Variants in CDK6 observed in about 807,000 individuals in gnomAD.
The protein encoded by CDK6 is cyclin dependent kinase 6, also known as cyclin-dependent kinase 6.
A neutral mutation model predicts 37.1 loss-of-function variants in CDK6; 6 were observed. The ratio of observed to expected loss-of-function variants is 0.16; its 90% CI spans 0.09 to 0.32. The LOEUF (loss-of-function observed/expected upper bound fraction) is 0.32, where lower values mean the gene tolerates loss of function less well. Ranked by LOEUF, CDK6 falls within the 10% of genes least tolerant of loss-of-function variation. The probability of loss-of-function intolerance (pLI) is 1.00; values close to 1 mark genes in which losing one functional copy is unlikely to be tolerated. For missense variants in CDK6, 224 were observed against 418.9 expected, an observed-to-expected ratio of 0.53 and a Z score of 4.06; for synonymous variants, 160 against 161.3, an observed-to-expected ratio of 0.99 and a Z score of 0.06.
chr7:92,668,576 C>G (rs573877781), intron 5 of CDK6, among the ~76,000 whole-genome samples: 2 of 152,284 alleles, frequency 1.3e-5, no homozygotes, highest in African/African-American at 4.8e-5. Flanking sequence ...CAGGGCAGCA[C>G]AGTGAGACCC....
At chr7:92,809,374 A>T (rs1328855606) in intron 2 of CDK6, among the ~76,000 whole-genome samples, 1 of 152,230 alleles carries the variant, frequency 6.6e-6, no homozygotes, top group Non-Finnish European at 1.5e-5. Context: ...TGACAACGAC[A>T]ATCTGGTTTC....
At chr7:92,802,598 C>A (rs1800609588) in intron 2 of CDK6, among the ~76,000 whole-genome samples, 1 of 152,214 alleles carries the variant, frequency 6.6e-6, no homozygotes, top group South Asian at 2.1e-4. Context: ...GTCTTTTAAA[C>A]TATCCGACTG....
At chr7:92,830,204 G>A (rs1227210390) in intron 2 of CDK6, among the ~76,000 whole-genome samples, 1 of 152,190 alleles carries the variant, frequency 6.6e-6, no homozygotes, top group Non-Finnish European at 1.5e-5. Flanking sequence ...CTGATCAGGC[G>A]AGGGCCTGGG....
intron 2 of CDK6, among the ~76,000 whole-genome samples, chr7:92,793,992 G>A (rs149807430): frequency 2.6e-5 from 4 of 152,162 alleles, no homozygotes; most frequent in East Asian, 3.9e-4. Context: ...TGAATCAAGC[G>A]CTTTAAATGG....
Position 92,613,276 on chromosome 7 carries a change from C to A in CDK6, c.*1864G>T, listed in dbSNP as rs1486926484. 1 of 233,164 alleles carries A rather than the reference C, an allele frequency of 4.3e-6. No individual in the cohort carries two copies. The highest frequency in any genetic ancestry group is 2.2e-5 in the African/African-American group (1 of 45,360). 14.4% of individuals were successfully genotyped at this position (233,164 alleles called of 1,614,324 possible). ...ACATTAAGCTGCAAAGAATTCAGTA[C>A]AACTTAATAATGCATAAACATGATC... On this transcript the variant is annotated 3_prime_UTR_variant, in exon 8 of 8. Transcript: ENST00000424848.
intron 5 of CDK6, among the ~76,000 whole-genome samples, chr7:92,644,896 G>T (rs1343144613): frequency 1.3e-5 from 2 of 152,228 alleles, no homozygotes; most frequent in Non-Finnish European, 2.9e-5. Context: ...TGAGGCCACA[G>T]GGTCAGATAT....
At chr7:92,622,990 GTTT>G (rs755386520) in intron 6 of CDK6, 43 bp downstream of exon 6, 1 of 1,201,750 alleles carries the variant, frequency 8.3e-7, no homozygotes, top group East Asian at 2.5e-5. Context: ...CACTGTAAAT[GTTT>G]TAATGCTATG....
chr7:92,653,378 CTT>C (rs1047568715), intron 5 of CDK6, among the ~76,000 whole-genome samples: 1 of 152,208 alleles, frequency 6.6e-6, no homozygotes, highest in Non-Finnish European at 1.5e-5. Flanking sequence ...AGAACGTACT[CTT>C]TATCTGAGTA....
intron 4 of CDK6, among the ~76,000 whole-genome samples, chr7:92,722,475 T>C (rs570614604): frequency 3.3e-4 from 50 of 152,326 alleles, no homozygotes; most frequent in African/African-American, 1.2e-3. Context: ...CGTCAACTTT[T>C]CACTCCTAAC....
At chr7:92,756,305 C>T (rs566415922) in intron 3 of CDK6, among the ~76,000 whole-genome samples, 2 of 152,162 alleles carry the variant, frequency 1.3e-5, no homozygotes, top group South Asian at 2.1e-4. Flanking sequence ...ATTTGGGAAG[C>T]CCTAAGGCCA....
chr7:92,681,470 A>G (rs1040961303), intron 4 of CDK6, among the ~76,000 whole-genome samples: 5 of 152,170 alleles, frequency 3.3e-5, no homozygotes, highest in African/African-American at 4.8e-5. Context: ...CCTCTCCCCC[A>G]TTTTATCTAT....
intron 3 of CDK6, among the ~76,000 whole-genome samples, chr7:92,739,791 C>A (rs111314730): frequency 5.3e-5 from 8 of 152,276 alleles, no homozygotes; most frequent in African/African-American, 1.9e-4. Context: ...GGATCTCACT[C>A]TGTTGCCCAG....
intron 5 of CDK6, among the ~76,000 whole-genome samples, chr7:92,667,693 A>G (rs1023088463): frequency 1.3e-4 from 19 of 151,952 alleles, no homozygotes; most frequent in African/African-American, 4.6e-4. Context: ...CTGGAACTAC[A>G]GGCACACACC....
intron 4 of CDK6, among the ~76,000 whole-genome samples, chr7:92,693,396 T>C (rs1305068394): frequency 6.6e-6 from 1 of 152,182 alleles, no homozygotes; most frequent in Non-Finnish European, 1.5e-5. Context: ...AAAAGCTCTA[T>C]TACCTAGTAG....
rs1477863178 is a variant in CDK6, at chr7:92,613,022, T to G, written c.*2118A>C. The G allele has an allele frequency of 4.3e-6, 1 of 233,048 alleles. No homozygotes were observed. The highest frequency in any genetic ancestry group is 2.2e-5 in the African/African-American group (1 of 45,358). 14.4% of individuals were successfully genotyped at this position (233,048 alleles called of 1,614,324 possible). A position where few individuals can be genotyped will look rare whatever the true frequency, so the allele number is the denominator to read the frequency against. On this transcript the variant is annotated 3_prime_UTR_variant, in exon 8 of 8. Transcript: ENST00000424848. Reference sequence around the variant, plus strand: ...GGATTCATTATATCTCAAGCATTTATAGTACTGACAACACCTAATCAATGT... The same window carrying G: ...GGATTCATTATATCTCAAGCATTTAGAGTACTGACAACACCTAATCAATGT...
At chr7:92,783,922 A>T (rs759786228) in intron 2 of CDK6, among the ~76,000 whole-genome samples, 1 of 152,172 alleles carries the variant, frequency 6.6e-6, no homozygotes. Flanking sequence ...AATAGAATTC[A>T]GCTTCTTCCA....
chr7:92,643,713 C>T (rs1026139759), intron 5 of CDK6, among the ~76,000 whole-genome samples: 7 of 152,328 alleles, frequency 4.6e-5, no homozygotes, highest in South Asian at 4.1e-4. Context: ...AAGTCAACCA[C>T]GATTTTTAAT....
At chr7:92,826,734 T>C (rs373613755) in intron 2 of CDK6, among the ~76,000 whole-genome samples, 2 of 152,292 alleles carry the variant, frequency 1.3e-5, no homozygotes, top group East Asian at 1.9e-4. Context: ...CACATGTGTA[T>C]GCCTTACAGT....
intron 3 of CDK6, among the ~76,000 whole-genome samples, chr7:92,771,223 T>G (rs1420567393): frequency 7.8e-6 from 1 of 128,086 alleles, no homozygotes; most frequent in Non-Finnish European, 1.6e-5. Context: ...TGACTCCGTC[T>G]CAAAAAAAAA....
Sources: gnomAD v4.1 joint callset for allele counts (sites outside exome capture counted in the v4.1 genomes callset) on GRCh38, gnomAD v4.1.1 for gene constraint, MANE v1.5 for transcripts, NCBI Gene and HGNC (gene_info 2026-07-23, HGNC 2026-07-21) for gene names.